The following APOBEC3G variants were observed in gnomAD, a reference collection of about 807,000 sequenced individuals.
APOBEC3G encodes the protein apolipoprotein B mRNA editing enzyme catalytic subunit 3G.
In APOBEC3G, 44 loss-of-function variants were observed where a neutral mutation model predicts 50.0. The observed-to-expected ratio is 0.88, with a 90% CI of 0.69 to 1.13. The LOEUF (loss-of-function observed/expected upper bound fraction) is 1.13. Ranked by LOEUF, APOBEC3G falls within the 50% of genes most tolerant of loss-of-function variation. APOBEC3G has a pLI of 0.00. For missense variants in APOBEC3G, 469 were observed against 492.0 expected (o/e 0.95, Z 0.44); for synonymous variants, 156 against 175.3 (o/e 0.89, Z 0.87).
At position 39,083,888 on chromosome 22, in the gene APOBEC3G, A is replaced by C; in HGVS notation, c.735+4A>C. The C allele has an allele frequency of 6.2e-7, 1 of 1,612,156 alleles. No homozygotes were observed. Among genetic ancestry groups the C allele is most frequent in the Non-Finnish European group, 8.5e-7 (1 of 1,178,776 alleles). ...CAGGGGCTTTCTATGCAACCAGGTGACCAACCCAGCCACCCGCATCCAGGC... is the reference window on the plus strand; with the variant it reads ...CAGGGGCTTTCTATGCAACCAGGTGCCCAACCCAGCCACCCGCATCCAGGC... On this transcript the variant is annotated splice_donor_region_variant and intron_variant, in intron 5 of 7. Coordinates refer to ENST00000407997, the MANE Select transcript of APOBEC3G (RefSeq NM_021822.4).
intron 1 of APOBEC3G, 50 bp downstream of exon 1, chr22:39,077,428 C>T (rs766542450): frequency 1.9e-6 from 3 of 1,565,286 alleles, no homozygotes; most frequent in Non-Finnish European, 2.6e-6. Flanking sequence ...CCCTTCTTGC[C>T]TGGTGGCTCT....
At chr22:39,083,702 C>A in intron 4 of APOBEC3G, 29 bp from the exon 5 acceptor site, 1 of 1,610,370 alleles carries the variant, frequency 6.2e-7, no homozygotes, top group Non-Finnish European at 8.5e-7. Flanking sequence ...AGGGCTCTTA[C>A]TCCTCTGGGC....
chr22:39,086,566 T>G lies in APOBEC3G; in HGVS notation c.1023T>G (p.Ser341Arg). Residue 341 changes from serine to arginine, a missense_variant and splice_region_variant, in exon 6 of 8, where the codon AGT becomes AGG. Transcript: ENST00000407997. ...CCAAAATTTCAATAATGACATACAG[T>G]GGTGAGAATGGAAGCCTGGAGTAGG... is the stretch of plus-strand genomic sequence containing the variant. ...AGAKISIMTY[S>R]EFKHCWDTFV... The G allele has an allele frequency of 6.3e-7, 1 of 1,592,954 alleles. No homozygotes were observed. The highest frequency in any genetic ancestry group is 8.6e-7 in the Non-Finnish European group (1 of 1,166,992).
intron 1 of APOBEC3G, among the ~76,000 whole-genome samples, chr22:39,078,353 TAAG>T (rs1928257386): frequency 1.3e-5 from 2 of 152,204 alleles, no homozygotes; most frequent in African/African-American, 4.8e-5. Flanking sequence ...TAAAATTTAG[TAAG>T]AAGAGAGCCC....
At position 39,087,474 on chromosome 22, in the gene APOBEC3G, TA is replaced by T. The variant is rs1439230244; in HGVS notation, c.*57del. ...CAGAGACCTGGGTTGAGCCTCAGAA[TA>T]AAAGATCTTCTTCCAAGAAATGCAA... On this transcript the variant is annotated 3_prime_UTR_variant, in exon 8 of 8. Transcript: ENST00000407997. 3 of 1,613,578 alleles carry T rather than the reference TA, an allele frequency of 1.9e-6. No individual in the cohort carries two copies. The Admixed American group carries it at 5.0e-5, about 27-fold the overall frequency.
intron 2 of APOBEC3G, chr22:39,080,167 C>T: frequency 1.7e-6 from 1 of 601,108 alleles, no homozygotes; most frequent in Non-Finnish European, 2.2e-6. Context: ...CAGTGCAGGT[C>T]CAGTGGGCTC....
At chr22:39,081,886 C>T in intron 4 of APOBEC3G, 1 of 329,230 alleles carries the variant, frequency 3.0e-6, no homozygotes, top group South Asian at 4.4e-5. Context: ...TTCCATCTCC[C>T]TGGCATAACC....
At chr22:39,082,466 A>G (rs1277003528) in intron 4 of APOBEC3G, 1 of 152,186 alleles carries the variant, frequency 6.6e-6, no homozygotes, top group Admixed American at 6.5e-5. Flanking sequence ...TCTACCAAAA[A>G]TACAAAAATT....
chr22:39,085,238 G>A (rs1928642003), intron 5 of APOBEC3G, among the ~76,000 whole-genome samples: 1 of 152,226 alleles, frequency 6.6e-6, no homozygotes, highest in Non-Finnish European at 1.5e-5. Flanking sequence ...GTCCTGCTGG[G>A]GGCCCCTCAT....
intron 1 of APOBEC3G, among the ~76,000 whole-genome samples, chr22:39,078,106 A>G (rs1177144225): frequency 6.6e-6 from 1 of 152,094 alleles, no homozygotes; most frequent in Non-Finnish European, 1.5e-5. Context: ...CTAAAAATGC[A>G]AAATTAGCTG....
At chr22:39,079,381 G>C in intron 2 of APOBEC3G, 1 of 289,346 alleles carries the variant, frequency 3.5e-6, no homozygotes, top group South Asian at 5.6e-5. Context: ...GCAATGACGC[G>C]ATCTCGGCTC....
intron 2 of APOBEC3G, 90 bp downstream of exon 2, chr22:39,079,175 G>T: frequency 6.8e-7 from 1 of 1,465,006 alleles, no homozygotes; most frequent in Non-Finnish European, 9.1e-7. Context: ...GCCCGGCGGC[G>T]GGCTATCCAG....
chr22:39,077,198 A>G (rs935687449), upstream of APOBEC3G: 288 of 1,167,792 alleles, frequency 2.5e-4, 1 homozygote, highest in Non-Finnish European at 3.4e-4. Context: ...AAAGCGTCCC[A>G]GGGCCTCCTA....
At chr22:39,087,317 C>G (rs755600900) in intron 7 of APOBEC3G, 90 bp from the exon 8 acceptor site, 26 of 1,604,456 alleles carry the variant, frequency 1.6e-5, no homozygotes, top group Non-Finnish European at 2.1e-5. Context: ...TCCCTCCTCT[C>G]CGATCATTGT....
At position 39,083,762 on chromosome 22, in the gene APOBEC3G, A is replaced by G. The variant is rs1555906847; in HGVS notation, c.613A>G (p.Asn205Asp). ...GATGGATCCACCCACATTCACTTTC[A>G]ACTTTAACAATGAACCTTGGGTCAG... Reference protein sequence around the residue: ...HSMDPPTFTFNFNNEPWVRGR... With the variant: ...HSMDPPTFTFDFNNEPWVRGR... The change falls in exon 5 of 8, where the codon AAC becomes GAC. Residue 205 changes from asparagine to aspartate, a missense_variant. Transcript: ENST00000407997. The G allele has an allele frequency of 1.9e-6, 3 of 1,613,942 alleles. No homozygotes were observed. Among genetic ancestry groups the G allele is most frequent in the Non-Finnish European group, 2.5e-6 (3 of 1,179,892 alleles).
chr22:39,084,261 G>T (rs1397954323), intron 5 of APOBEC3G, among the ~76,000 whole-genome samples: 1 of 152,188 alleles, frequency 6.6e-6, no homozygotes, highest in Non-Finnish European at 1.5e-5. Flanking sequence ...GGGCACGGTG[G>T]CTCATGCCTG....
In APOBEC3G at chr22:39,087,380, C is replaced by T. The variant is rs769878799; in HGVS notation, c.1141-27C>T. ...CTACTTTCCACTCGCTCACCCTTTG[C>T]TCCATTCAACCTCCCTGCTCTTCCA... On this transcript the variant is annotated intron_variant, in intron 7 of 7. Transcript: ENST00000407997. The T allele has an allele frequency of 3.7e-6, 6 of 1,614,036 alleles. No homozygotes were observed. In the Admixed American group the frequency reaches 5.0e-5, roughly 13 times the overall value.
chr22:39,077,684 C>T (rs1210329221), intron 1 of APOBEC3G, among the ~76,000 whole-genome samples: 2 of 152,228 alleles, frequency 1.3e-5, no homozygotes, highest in African/African-American at 2.4e-5. Context: ...CTGTGTGCTT[C>T]CCGCCATTCC....
At position 39,087,676 on chromosome 22, in the gene APOBEC3G, T is replaced by TA. The variant is rs1928758596; in HGVS notation, c.*257dup. The TA allele has an allele frequency of 3.2e-6, 2 of 625,302 alleles. No homozygotes were observed. The highest frequency in any genetic ancestry group is 3.7e-5 in the African/African-American group (2 of 54,234). The allele number at this position is 625,302 out of a possible 1,614,324, so 38.7% of individuals were successfully genotyped here. On this transcript the variant is annotated 3_prime_UTR_variant, in exon 8 of 8. Coordinates refer to ENST00000407997, the MANE Select transcript of APOBEC3G (RefSeq NM_021822.4). ...ATACACAGAAAAGTTTCAAACCTAC[T>TA]AATCCAGCGACAATTTGAATCGGTT...
Sources: gnomAD v4.1 joint callset for allele counts (sites outside exome capture counted in the v4.1 genomes callset) on GRCh38, gnomAD v4.1.1 for gene constraint, MANE v1.5 for transcripts, NCBI Gene and HGNC (gene_info 2026-07-23, HGNC 2026-07-21) for gene names.